PAM: variants seen among roughly 807,000 people sequenced by gnomAD.
The protein encoded by PAM is peptidyl-glycine alpha-amidating monooxygenase.
Under a neutral mutation model 122.1 loss-of-function variants are expected in PAM, and 72 were observed. The observed-to-expected ratio is 0.59, with a 90% CI of 0.49 to 0.72. The LOEUF is 0.72. Among genes scored for constraint, PAM ranks in the 30% least tolerant of loss-of-function variants. The probability of loss-of-function intolerance (pLI) is 0.00; values close to 1 mark genes in which losing one functional copy is unlikely to be tolerated. For synonymous variants in PAM, 389 were observed against 404.4 expected (o/e 0.96, Z 0.46); for missense variants, 1,106 against 1,183.7 (o/e 0.93, Z 0.96).
chr5:102,926,047 A>G (rs187637990), intron 6 of PAM, among the ~76,000 whole-genome samples: 216 of 152,328 alleles, frequency 1.4e-3, no homozygotes, highest in Non-Finnish European at 2.3e-3. Context: ...AATAAAATAA[A>G]TATGAATATA....
intron 3 of PAM, among the ~76,000 whole-genome samples, chr5:102,895,258 A>G (rs932561691): frequency 6.6e-6 from 1 of 151,816 alleles, no homozygotes; most frequent in Non-Finnish European, 1.5e-5. Flanking sequence ...CTGAATTATT[A>G]GCTTTTGTAG....
At chr5:102,915,288 T>C (rs1802765153) in intron 5 of PAM, among the ~76,000 whole-genome samples, 3 of 152,148 alleles carry the variant, frequency 2.0e-5, no homozygotes. Flanking sequence ...GCAACTGCTC[T>C]CTTGTCGTTT....
At chr5:102,868,291 A>AG (rs139566044) in intron 3 of PAM, among the ~76,000 whole-genome samples, 13,631 of 152,232 alleles carry the variant, frequency 0.09, 1,505 homozygotes, top group African/African-American at 0.25. Flanking sequence ...AGGAAAATAA[A>AG]GTATTCGTAT....
At chr5:102,852,967 G>A (rs1781694122) in intron 1 of PAM, among the ~76,000 whole-genome samples, 1 of 152,160 alleles carries the variant, frequency 6.6e-6, no homozygotes, top group Admixed American at 6.5e-5. Context: ...ATCTATTTGT[G>A]TAATTCAAAT....
At chr5:102,877,011 C>T (rs746321102) in intron 3 of PAM, among the ~76,000 whole-genome samples, 21 of 152,282 alleles carry the variant, frequency 1.4e-4, no homozygotes, top group Non-Finnish European at 1.6e-4. Context: ...AGGAGCCTGG[C>T]TATGGTTTAG....
At chr5:102,856,494 G>A (rs1782655515) in intron 1 of PAM, among the ~76,000 whole-genome samples, 1 of 152,108 alleles carries the variant, frequency 6.6e-6, no homozygotes, top group African/African-American at 2.4e-5. Context: ...GGAAGACAGG[G>A]ATCTGTTTTA....
chr5:103,003,148 CTG>C lies in PAM; in HGVS notation c.1730+2_1730+3del. 2 of 1,309,820 alleles carry C rather than the reference CTG, an allele frequency of 1.5e-6. No individual in the cohort carries two copies. Among genetic ancestry groups the C allele is most frequent in the Non-Finnish European group, 2.2e-6 (2 of 902,010 alleles). The allele number at this position is 1,309,820 out of a possible 1,614,324, so 81.1% of individuals were successfully genotyped here. ...AGTACTCCAGTCCAGTGGAAAAAAT[CTG>C]TGAGTTAAATGACTTATGTTGTTAA... On this transcript the variant is annotated splice_donor_variant and coding_sequence_variant, in exon 17 of 26. Coordinates refer to ENST00000438793, the MANE Select transcript of PAM (RefSeq NM_001177306.2). LOFTEE classifies it high-confidence loss of function.
intron 1 of PAM, among the ~76,000 whole-genome samples, chr5:102,789,094 T>G (rs1761362781): frequency 6.6e-6 from 1 of 152,140 alleles, no homozygotes; most frequent in Non-Finnish European, 1.5e-5. Context: ...GTCATAGGTA[T>G]AAACAGTACT....
intron 1 of PAM, among the ~76,000 whole-genome samples, chr5:102,824,854 A>G (rs977589430): frequency 3.3e-5 from 5 of 152,212 alleles, no homozygotes; most frequent in Non-Finnish European, 5.9e-5. Context: ...AATTTTATAT[A>G]TTATAAACCA....
At chr5:102,772,715 A>G (rs1024382698) in intron 1 of PAM, among the ~76,000 whole-genome samples, 13 of 152,156 alleles carry the variant, frequency 8.5e-5, no homozygotes, top group African/African-American at 3.1e-4. Context: ...TTAAATGCCA[A>G]CAAAACTATA....
chr5:102,835,484 C>T (rs1033666723), intron 1 of PAM, among the ~76,000 whole-genome samples: 4 of 151,910 alleles, frequency 2.6e-5, no homozygotes, highest in South Asian at 4.2e-4. Context: ...ACATTTTCTC[C>T]TTTTAAATTC....
intron 8 of PAM, among the ~76,000 whole-genome samples, chr5:102,947,984 T>C (rs1757569488): frequency 6.6e-6 from 1 of 152,084 alleles, no homozygotes; most frequent in African/African-American, 2.4e-5. Flanking sequence ...TCCTTTCCTT[T>C]TGAGGGGACC....
At chr5:102,897,247 C>T (rs1236188740) in intron 3 of PAM, among the ~76,000 whole-genome samples, 1 of 151,448 alleles carries the variant, frequency 6.6e-6, no homozygotes, top group Non-Finnish European at 1.5e-5. Context: ...GGGTTCCTTA[C>T]CAGTTTGTCT....
At chr5:102,859,066 C>A (rs1307216390) in intron 1 of PAM, among the ~76,000 whole-genome samples, 6 of 150,724 alleles carry the variant, frequency 4.0e-5, no homozygotes, top group Non-Finnish European at 7.4e-5. Flanking sequence ...GTACGTAATA[C>A]TTGATAAAGA....
chr5:102,966,906 T>C (rs931720794), intron 14 of PAM, among the ~76,000 whole-genome samples: 8 of 152,276 alleles, frequency 5.3e-5, no homozygotes, highest in Admixed American at 4.6e-4. Flanking sequence ...ATTTATATTC[T>C]GGAAAGTTCT....
In PAM at chr5:103,019,784, T is replaced by C; in HGVS notation, c.2432-6T>C. On this transcript the variant is annotated splice_polypyrimidine_tract_variant and splice_region_variant and intron_variant, in intron 22 of 25. Coordinates refer to ENST00000438793, the MANE Select transcript of PAM (RefSeq NM_001177306.2). ...ACTTTTCTCTCTCCTTGTTGTGTTG[T>C]TACAGAATTGGAACATCGATCAGTT... 1.9e-6 allele frequency: 3 copies of C among 1,595,628 alleles called. No individual in the cohort carries two copies. The highest frequency in any genetic ancestry group is 2.6e-6 in the Non-Finnish European group (3 of 1,163,316).
intron 1 of PAM, among the ~76,000 whole-genome samples, chr5:102,787,303 C>A (rs966725416): frequency 6.6e-6 from 1 of 152,012 alleles, no homozygotes; most frequent in Non-Finnish European, 1.5e-5. Context: ...GAGCATGTTC[C>A]AGCCATGTTC....
chr5:103,018,620 T>C (rs768678427), intron 22 of PAM, among the ~76,000 whole-genome samples: 11 of 152,120 alleles, frequency 7.2e-5, no homozygotes, highest in Non-Finnish European at 5.9e-5. Flanking sequence ...AAGGCAAAGA[T>C]AGATGGATAA....
chr5:102,979,705 A>G (rs1769086367), intron 15 of PAM, among the ~76,000 whole-genome samples: 2 of 152,114 alleles, frequency 1.3e-5, no homozygotes, highest in Admixed American at 1.3e-4. Flanking sequence ...TGTGAATGCA[A>G]CAGTGATCAC....
Sources: allele counts gnomAD v4.1 joint callset (sites outside exome capture counted in the v4.1 genomes callset), GRCh38; gene constraint gnomAD v4.1.1; transcripts MANE v1.5; gene names NCBI Gene and HGNC (gene_info 2026-07-23, HGNC 2026-07-21).